Variants in UBXN7 observed in about 807,000 individuals in gnomAD.
UBXN7 encodes UBX domain protein 7.
A neutral mutation model predicts 58.0 loss-of-function variants in UBXN7; 9 were observed. The observed-to-expected ratio is 0.16, with a 90% CI of 0.09 to 0.27. UBXN7 has a LOEUF of 0.27. Among genes scored for constraint, UBXN7 ranks in the 10% least tolerant of loss-of-function variants. The probability of loss-of-function intolerance (pLI) is 1.00; values close to 1 mark genes in which losing one functional copy is unlikely to be tolerated. For synonymous variants in UBXN7, 208 were observed against 205.0 expected (o/e 1.01, Z -0.12); for missense variants, 328 against 599.6 (o/e 0.55, Z 4.73).
At chr3:196,410,421 C>A (rs1299673449) in intron 1 of UBXN7, among the ~76,000 whole-genome samples, 1 of 152,150 alleles carries the variant, frequency 6.6e-6, no homozygotes, top group Non-Finnish European at 1.5e-5. Flanking sequence ...TTAATACTTA[C>A]CTCAATTACT....
At chr3:196,393,722 C>A in intron 3 of UBXN7, 103 bp from the exon 4 acceptor site, 1 of 1,171,004 alleles carries the variant, frequency 8.5e-7, no homozygotes, top group South Asian at 1.4e-5. Context: ...ACATATGAAA[C>A]CCTTCACGAA....
chr3:196,430,809 T>C (rs1344789594), intron 1 of UBXN7, among the ~76,000 whole-genome samples: 1 of 152,228 alleles, frequency 6.6e-6, no homozygotes, highest in Non-Finnish European at 1.5e-5. Flanking sequence ...CTAACTTATA[T>C]ACACAATAAT....
chr3:196,411,309 T>A (rs1030667247), intron 1 of UBXN7, among the ~76,000 whole-genome samples: 2 of 152,248 alleles, frequency 1.3e-5, no homozygotes, highest in African/African-American at 2.4e-5. Flanking sequence ...ACTCATTAGC[T>A]ACATACTAGA....
Position 196,361,913 on chromosome 3 carries a change from T to C in UBXN7, c.1239A>G (p.Ala413=). The change falls in exon 10 of 11, where the codon GCA becomes GCG. Residue 413 remains alanine, a synonymous_variant. Coordinates refer to ENST00000296328, the MANE Select transcript of UBXN7 (RefSeq NM_015562.2). ...VEGIDVNGPK[A]QLMLRYPDGK... ...CATCTGGATACCGCAACATCAGCTGTGCTTTTGGTCCTAAAGGAAGGGTTT... is the reference window on the plus strand; with the variant it reads ...CATCTGGATACCGCAACATCAGCTGCGCTTTTGGTCCTAAAGGAAGGGTTT... 1 of 1,611,310 alleles carries C rather than the reference T, an allele frequency of 6.2e-7. No homozygotes were observed. Among genetic ancestry groups the C allele is most frequent in the Non-Finnish European group, 8.5e-7 (1 of 1,179,304 alleles).
chr3:196,394,844 G>T (rs1361503406), intron 3 of UBXN7, among the ~76,000 whole-genome samples: 4 of 152,112 alleles, frequency 2.6e-5, no homozygotes, highest in African/African-American at 9.7e-5. Flanking sequence ...TTTAATTCTG[G>T]AAACTTTTTT....
intron 1 of UBXN7, among the ~76,000 whole-genome samples, chr3:196,426,022 A>T (rs547614668): frequency 5.3e-5 from 8 of 152,136 alleles, no homozygotes; most frequent in Non-Finnish European, 1.0e-4. Context: ...CCTGGCACGT[A>T]GCAGTCTACC....
At chr3:196,361,359 G>A (rs1213528294) in intron 10 of UBXN7, among the ~76,000 whole-genome samples, 2 of 152,212 alleles carry the variant, frequency 1.3e-5, no homozygotes, top group Non-Finnish European at 2.9e-5. Context: ...TTTTAACACT[G>A]TTGAAATGAC....
intron 3 of UBXN7, chr3:196,397,688 C>G (rs142414942): frequency 6.6e-6 from 1 of 152,232 alleles, no homozygotes; most frequent in African/African-American, 2.4e-5. Context: ...AGCATAGGGC[C>G]CTACAGCCAA....
chr3:196,431,246 T>C (rs1254146696), intron 1 of UBXN7: 2 of 152,150 alleles, frequency 1.3e-5, no homozygotes, highest in African/African-American at 4.8e-5. Flanking sequence ...CATTCTGACC[T>C]CCTTCCAAAA....
At chr3:196,393,795 T>C (rs1729657924) in intron 3 of UBXN7, 176 bp from the exon 4 acceptor site, 1 of 496,832 alleles carries the variant, frequency 2.0e-6, no homozygotes, top group South Asian at 3.1e-5. Flanking sequence ...TTAGTAAATG[T>C]GCTGCCGCAG....
rs918840144 is a variant in UBXN7 at position 196,348,553 on chromosome 3, C to G, written c.*8132G>C. The stretch of plus-strand genomic sequence containing the variant: ...CACACTTTGTCCAGAATAAGTTGAG[C>G]CACAAACATCCCAGGGAATCTCTAA... On this transcript the variant is annotated 3_prime_UTR_variant, in exon 11 of 11. Coordinates refer to ENST00000296328, the MANE Select transcript of UBXN7 (RefSeq NM_015562.2). 5.9e-5 allele frequency: 9 copies of G among 152,106 alleles called. No homozygotes were observed. The highest frequency in any genetic ancestry group is 2.2e-4 in the African/African-American group (9 of 41,408). 9.4% of individuals were successfully genotyped at this position (152,106 alleles called of 1,614,324 possible).
intron 1 of UBXN7, among the ~76,000 whole-genome samples, chr3:196,419,177 C>T (rs371251104): frequency 2.0e-5 from 3 of 151,924 alleles, no homozygotes; most frequent in Admixed American, 1.3e-4. Context: ...CTAGGGAGGC[C>T]GAGGTGGAAG....
intron 1 of UBXN7, among the ~76,000 whole-genome samples, chr3:196,409,766 C>T (rs528894444): frequency 4.6e-5 from 7 of 152,126 alleles, no homozygotes; most frequent in African/African-American, 1.7e-4. Context: ...TCTTTCAGGC[C>T]CCTTTCCTTG....
In UBXN7 at chr3:196,432,365, G is replaced by T. The variant is rs769909671; in HGVS notation, c.35C>A (p.Ala12Glu). The change falls in exon 1 of 11, where the codon GCG becomes GAG. Residue 12 changes from alanine (A) to glutamate (E), a missense_variant. Physicochemically the swap from Ala to Glu is moderately radical, Grantham distance 107 (BLOSUM62 -1). This residue lies in a region of UBXN7 where 106 missense variants were observed against 124.3 expected (regional missense o/e 0.85). Transcript: ENST00000296328. ...AAHGGSAASS[A>E]LKGLIQQFTT... ...GAACTGTTGAATTAACCCCTTCAGC[G>T]CCGAGGACGCCGCGGAGCCCCCGTG... The T allele has an allele frequency of 3.8e-6, 6 of 1,598,468 alleles. No individual in the cohort carries two copies. The Admixed American group carries it at 8.4e-5, about 22-fold the overall frequency.
At chr3:196,425,437 T>G (rs1730819337) in intron 1 of UBXN7, among the ~76,000 whole-genome samples, 1 of 152,066 alleles carries the variant, frequency 6.6e-6, no homozygotes, top group Non-Finnish European at 1.5e-5. Context: ...AAATAAAATT[T>G]TAATACATTT....
intron 1 of UBXN7, chr3:196,414,771 AAGCTCACTCAACT>A (rs1730429631): frequency 6.6e-6 from 1 of 152,070 alleles, no homozygotes; most frequent in Non-Finnish European, 1.5e-5. Context: ...CAGACTTTAA[AAGCTCACTCAACT>A]AGCGCAGATC....
intron 10 of UBXN7, among the ~76,000 whole-genome samples, chr3:196,361,404 G>A (rs537847851): frequency 6.6e-6 from 1 of 152,318 alleles, no homozygotes; most frequent in African/African-American, 2.4e-5. Flanking sequence ...AAACTTGGTG[G>A]ATAAAATTGC....
intron 5 of UBXN7, among the ~76,000 whole-genome samples, chr3:196,384,940 G>C (rs1404336321): frequency 6.6e-6 from 1 of 152,194 alleles, no homozygotes; most frequent in African/African-American, 2.4e-5. Flanking sequence ...ACTGTTGGAA[G>C]TTCTGGCCAG....
intron 1 of UBXN7, among the ~76,000 whole-genome samples, chr3:196,411,789 C>A (rs1730336524): frequency 6.6e-6 from 1 of 151,788 alleles, no homozygotes; most frequent in Non-Finnish European, 1.5e-5. Flanking sequence ...CAGCCTGGGG[C>A]ACAAGAGTGA....
Sources: allele counts gnomAD v4.1 joint callset (sites outside exome capture counted in the v4.1 genomes callset), GRCh38; gene constraint gnomAD v4.1.1; regional missense constraint gnomAD v4.1.1; transcripts MANE v1.5; gene names NCBI Gene and HGNC (gene_info 2026-07-23, HGNC 2026-07-21).